METTL16: variants seen among roughly 807,000 people sequenced by gnomAD.
METTL16 encodes the protein RNA N(6)-adenosine-methyltransferase METTL16.
METTL16 carries 19 observed loss-of-function variants against 57.9 expected under a neutral mutation model. The ratio of observed to expected loss-of-function variants is 0.33; its 90% CI spans 0.23 to 0.48. The LOEUF (loss-of-function observed/expected upper bound fraction) is 0.48. Among genes scored for constraint, METTL16 ranks in the 20% least tolerant of loss-of-function variants. The pLI is 0.99. For synonymous variants in METTL16, 246 were observed against 255.6 expected, an observed-to-expected ratio of 0.96 and a Z score of 0.36; for missense variants, 434 against 691.5, an observed-to-expected ratio of 0.63 and a Z score of 4.18.
At chr17:2,431,516 T>A (rs2066874074) in intron 8 of METTL16, among the ~76,000 whole-genome samples, 1 of 152,164 alleles carries the variant, frequency 6.6e-6, no homozygotes, top group Admixed American at 6.6e-5. Flanking sequence ...GGTCACAGGG[T>A]ATGAGCAAGC....
intron 2 of METTL16, among the ~76,000 whole-genome samples, chr17:2,488,014 AAAAT>A (rs990398251): frequency 4.3e-4 from 65 of 152,138 alleles, no homozygotes; most frequent in African/African-American, 1.4e-3. Context: ...CAAATAAAAT[AAAAT>A]AAATAAAATA....
At chr17:2,463,848 C>T (rs1362804205) in intron 6 of METTL16, among the ~76,000 whole-genome samples, 2 of 151,874 alleles carry the variant, frequency 1.3e-5, no homozygotes, top group Non-Finnish European at 2.9e-5. Context: ...CAGGGGAGGC[C>T]GGGCACAGAG....
chr17:2,504,392 A>C (rs2067514598), intron 1 of METTL16, among the ~76,000 whole-genome samples: 1 of 152,364 alleles, frequency 6.6e-6, no homozygotes, highest in Non-Finnish European at 1.5e-5. Flanking sequence ...ATATTTTTCC[A>C]TGATTTTAAA....
intron 8 of METTL16, among the ~76,000 whole-genome samples, chr17:2,435,514 C>A (rs1192037127): frequency 6.6e-6 from 1 of 152,120 alleles, no homozygotes; most frequent in East Asian, 1.9e-4. Flanking sequence ...CTGGGACGAC[C>A]CCCTGGGGAA....
intron 6 of METTL16, among the ~76,000 whole-genome samples, chr17:2,462,523 G>T (rs2067157856): frequency 1.3e-5 from 2 of 152,106 alleles, no homozygotes; most frequent in African/African-American, 4.8e-5. Flanking sequence ...TTGGCGACGG[G>T]GCCTGCTGGG....
At position 2,458,168 on chromosome 17, in the gene METTL16, CT is replaced by C. The variant is rs530648200; in HGVS notation, c.728+6039del. Among the ~76,000 whole-genome samples, 337 of 152,290 alleles carry C rather than the reference CT, an allele frequency of 2.2e-3. 4 individuals carry two copies. The highest frequency in any genetic ancestry group is 0.019 in the Admixed American group (287 of 15,294). Reference sequence around the variant, plus strand: ...GTGCTAGGATTATAGGTATGGGCCACTGTGCCTGGCCTAGGCCCAGATTATT... The same window carrying C: ...GTGCTAGGATTATAGGTATGGGCCACGTGCCTGGCCTAGGCCCAGATTATT... On this transcript the variant is annotated intron_variant, in intron 6 of 9. Coordinates refer to ENST00000263092, the MANE Select transcript of METTL16 (RefSeq NM_024086.4).
At chr17:2,462,034 T>G (rs1051653883) in intron 6 of METTL16, among the ~76,000 whole-genome samples, 1 of 152,202 alleles carries the variant, frequency 6.6e-6, no homozygotes, top group Non-Finnish European at 1.5e-5. Context: ...CCAGGAGATA[T>G]TTATATACCC....
chr17:2,442,306 A>G (rs1167566363), intron 6 of METTL16, among the ~76,000 whole-genome samples: 1 of 152,222 alleles, frequency 6.6e-6, no homozygotes, highest in African/African-American at 2.4e-5. Context: ...AAATGAGGTG[A>G]GCCTGCATTT....
intron 6 of METTL16, among the ~76,000 whole-genome samples, chr17:2,446,591 GCTCTCCCTCTCCCTCTCC>G (rs372024803): frequency 3.5e-5 from 5 of 142,700 alleles, no homozygotes; most frequent in African/African-American, 1.4e-4. Context: ...GAGCATCCTG[GCTCTCCCTCTCCCTCTCC>G]CTCTCCCTCT....
At chr17:2,428,564 AATATATATATATATATATATAT>A (rs71362532) in intron 8 of METTL16, among the ~76,000 whole-genome samples, 14 of 31,334 alleles carry the variant, frequency 4.5e-4, no homozygotes, top group South Asian at 1.8e-3. Flanking sequence ...AAAAAAAAAA[AATATATATATATATATATATAT>A]ATATATATAT....
At chr17:2,448,898 G>A (rs1218204984) in intron 6 of METTL16, among the ~76,000 whole-genome samples, 11 of 147,204 alleles carry the variant, frequency 7.5e-5, no homozygotes, top group South Asian at 2.1e-4. Flanking sequence ...GTGGTGGTGC[G>A]CGCCTGTAGT....
intron 2 of METTL16, among the ~76,000 whole-genome samples, chr17:2,494,867 G>A (rs564472106): frequency 3.2e-4 from 48 of 151,534 alleles, no homozygotes; most frequent in Non-Finnish European, 6.0e-4. Context: ...GCATGGTGGC[G>A]TGCACCTGTA....
At chr17:2,425,658 AC>A (rs2066812240) in intron 8 of METTL16, among the ~76,000 whole-genome samples, 1 of 152,146 alleles carries the variant, frequency 6.6e-6, no homozygotes, top group African/African-American at 2.4e-5. Context: ...AAAATATGCT[AC>A]GTAGCAGGGT....
At chr17:2,504,225 G>A (rs757466520) in intron 1 of METTL16, among the ~76,000 whole-genome samples, 8 of 152,180 alleles carry the variant, frequency 5.3e-5, no homozygotes, top group Non-Finnish European at 1.0e-4. Context: ...GGGGAGGGAA[G>A]AATGAGGAGT....
At chr17:2,506,346 A>C (rs1393152917) in intron 1 of METTL16, among the ~76,000 whole-genome samples, 2 of 148,886 alleles carry the variant, frequency 1.3e-5, no homozygotes, top group Non-Finnish European at 3.0e-5. Flanking sequence ...GCCGAAGCTG[A>C]ACTGTGCTGC....
chr17:2,446,493 A>G (rs2066995978), intron 6 of METTL16, among the ~76,000 whole-genome samples: 1 of 152,132 alleles, frequency 6.6e-6, no homozygotes, highest in Non-Finnish European at 1.5e-5. Flanking sequence ...CACAAAATCA[A>G]TTGTTGGGGC....
chr17:2,423,047 T>C (rs2151683660), intron 8 of METTL16, among the ~76,000 whole-genome samples: 1 of 152,256 alleles, frequency 6.6e-6, no homozygotes, highest in South Asian at 2.1e-4. Context: ...GATCTTTTTC[T>C]GCTAAAAGGA....
chr17:2,486,908 G>A (rs900868550), intron 2 of METTL16, among the ~76,000 whole-genome samples: 2 of 150,320 alleles, frequency 1.3e-5, no homozygotes, highest in African/African-American at 2.4e-5. Flanking sequence ...CGGTACTGAG[G>A]TGGGAGGATC....
intron 2 of METTL16, among the ~76,000 whole-genome samples, chr17:2,481,944 G>T (rs1286201025): frequency 6.6e-6 from 1 of 152,140 alleles, no homozygotes; most frequent in African/African-American, 2.4e-5. Context: ...ACATGAGGCT[G>T]CTTTTAGATG....
Sources: gnomAD v4.1 joint callset for allele counts (sites outside exome capture counted in the v4.1 genomes callset) on GRCh38, gnomAD v4.1.1 for gene constraint, MANE v1.5 for transcripts, NCBI Gene and HGNC (gene_info 2026-07-23, HGNC 2026-07-21) for gene names.